Variants in MIER2 observed in about 807,000 individuals in gnomAD.
MIER2 encodes mesoderm induction early response protein 2.
Under a neutral mutation model 67.6 loss-of-function variants are expected in MIER2, and 30 were observed. The ratio of observed to expected loss-of-function variants is 0.44; its 90% CI spans 0.33 to 0.60. The LOEUF (loss-of-function observed/expected upper bound fraction) is 0.60, where lower values mean the gene tolerates loss of function less well. Ranked by LOEUF, MIER2 falls within the 20% of genes least tolerant of loss-of-function variation. The probability of loss-of-function intolerance (pLI) is 0.02; values close to 1 mark genes in which losing one functional copy is unlikely to be tolerated. For missense variants in MIER2, 702 were observed against 745.1 expected (o/e 0.94, Z 0.67); for synonymous variants, 372 against 312.6 (o/e 1.19, Z -2.00).
intron 5 of MIER2, 40 bp downstream of exon 5, chr19:327,093 G>A (rs1437006831): frequency 6.4e-7 from 1 of 1,555,380 alleles, no homozygotes; most frequent in East Asian, 2.3e-5. Flanking sequence ...GCCTGGCAGG[G>A]GGCCTGGCTG....
At position 307,380 on chromosome 19, in the gene MIER2, G is replaced by A. The variant is rs1393078077; in HGVS notation, c.1355C>T (p.Pro452Leu). 1 of 1,606,802 alleles carries A rather than the reference G, an allele frequency of 6.2e-7. No individual in the cohort carries two copies. The highest frequency in any genetic ancestry group is 8.5e-7 in the Non-Finnish European group (1 of 1,177,824). Residue 452 changes from proline (P) to leucine (L), a missense_variant, in exon 13 of 14, where the codon CCA becomes CTA. Around this residue, in one of 3 missense-constraint regions of MIER2, gnomAD observed 254 missense variants for 262.8 expected, o/e 0.97. Coordinates refer to ENST00000264819, the MANE Select transcript of MIER2 (RefSeq NM_017550.3). ...LSHRPPALAD[P>L]ASYQPAVTAP... Reference sequence around the variant, plus strand: ...AGTGACAGCTGGCTGGTATGAGGCTGGGTCGGCCAGGGCTGGGGGCCGATG... The same window carrying A: ...AGTGACAGCTGGCTGGTATGAGGCTAGGTCGGCCAGGGCTGGGGGCCGATG...
Position 327,959 on chromosome 19 carries a change from C to A in MIER2, c.274G>T (p.Ala92Ser). 6.2e-7 allele frequency: 1 copy of A among 1,613,226 alleles called. No homozygotes were observed. Among genetic ancestry groups the A allele is most frequent in the Non-Finnish European group, 8.5e-7 (1 of 1,179,578 alleles). Residue 92 changes from alanine to serine, a missense_variant, in exon 4 of 14, where the codon GCG becomes TCG. Physicochemically the swap from Ala to Ser is moderately conservative, Grantham distance 99. Transcript: ENST00000264819. ...TCTGACGCCTCGTAGCCATAGAGCG[C>A]AAGCAGCTCATCAAAGGGCATGTCG... ...SNDMPFDELL[A>S]LYGYEASDPI...
chr19:335,189 T>C (rs1972184024), intron 2 of MIER2, among the ~76,000 whole-genome samples: 1 of 149,890 alleles, frequency 6.7e-6, no homozygotes, highest in Non-Finnish European at 1.5e-5. Context: ...ACAAAGGAAA[T>C]AGCTAGGGCT....
Position 334,495 on chromosome 19 carries a change from G to C in MIER2, c.148C>G (p.Leu50Val). 2.5e-6 allele frequency: 4 copies of C among 1,614,162 alleles called. No individual in the cohort carries two copies. Among genetic ancestry groups the C allele is most frequent in the Non-Finnish European group, 3.4e-6 (4 of 1,180,028 alleles). Reference protein sequence around the residue: ...GDHQFNLAEILSQNYSVRGEC... With the variant: ...GDHQFNLAEIVSQNYSVRGEC... ...CCCCTAACACTGTAGTTCTGTGACA[G>C]GATCTCTGCGAGGTTGAACTGATGG... Residue 50 changes from leucine (L) to valine (V), a missense_variant, in exon 3 of 14, where the codon CTG becomes GTG. Physicochemically the swap from Leu to Val is conservative, Grantham distance 32. Around this residue, in one of 3 missense-constraint regions of MIER2, gnomAD observed 320 missense variants for 292.6 expected, o/e 1.09. Coordinates refer to ENST00000264819, the MANE Select transcript of MIER2 (RefSeq NM_017550.3).
At chr19:310,404 A>T (rs72984420) in intron 10 of MIER2, among the ~76,000 whole-genome samples, 1 of 152,178 alleles carries the variant, frequency 6.6e-6, no homozygotes. Context: ...GCCAGGGTGA[A>T]ATACGCACTG....
Position 312,141 on chromosome 19 carries a change from A to G in MIER2, c.889+50T>C, listed in dbSNP as rs61710650. 1,069 of 1,062,524 alleles carry G rather than the reference A, an allele frequency of 1.0e-3. 102 individuals carry two copies. The highest frequency in any genetic ancestry group is 7.8e-3 in the East Asian group (295 of 37,600). The allele number at this position is 1,062,524 out of a possible 1,614,324, so 65.8% of individuals were successfully genotyped here. ...GCCCAGGCCGGGGAGAACGGTCAGC[A>G]GTGCCCAGGGCGGGGCCGCAGCGGA... is the stretch of plus-strand genomic sequence containing the variant. On this transcript the variant is annotated intron_variant, in intron 9 of 13. Transcript: ENST00000264819.
intron 1 of MIER2, among the ~76,000 whole-genome samples, chr19:336,638 G>C (rs942184226): frequency 4.1e-4 from 63 of 152,174 alleles, no homozygotes; most frequent in African/African-American, 1.5e-3. Context: ...GTGGGAGAGT[G>C]ACTGCTAACG....
chr19:329,933 C>A (rs1971943256), intron 3 of MIER2, among the ~76,000 whole-genome samples: 1 of 150,898 alleles, frequency 6.6e-6, no homozygotes, highest in Admixed American at 6.6e-5. Flanking sequence ...TCACCCTGAG[C>A]AGATGTTTCC....
At chr19:326,673 A>G (rs998320522) in intron 5 of MIER2, 75 bp from the exon 6 acceptor site, 17 of 1,179,828 alleles carry the variant, frequency 1.4e-5, no homozygotes, top group Non-Finnish European at 2.2e-5. Context: ...CTCCACTCCC[A>G]TTCTCCATCC....
At chr19:311,796 C>T in intron 10 of MIER2, 49 bp downstream of exon 10, 1 of 1,592,094 alleles carries the variant, frequency 6.3e-7, no homozygotes, top group Non-Finnish European at 8.6e-7. Context: ...CCCTGAGCCC[C>T]TCCCCAGATC....
rs375139398 is a variant in MIER2 at position 319,519 on chromosome 19, C to T, written c.656-5876G>A. On this transcript the variant is annotated intron_variant, in intron 7 of 13. Coordinates refer to ENST00000264819, the MANE Select transcript of MIER2 (RefSeq NM_017550.3). ...TGTCACCCAGGCTGGAGTGCAATGG[C>T]GAAATCTTGGCTCACTGCAACCGCT... 8.5e-5 allele frequency among the ~76,000 whole-genome samples: 13 copies of T among 152,286 alleles called. 1 individual carries two copies. In the South Asian group the frequency reaches 2.5e-3, roughly 29 times the overall value.
At position 306,705 on chromosome 19, in the gene MIER2, G is replaced by A. The variant is rs375042206; in HGVS notation, c.1623C>T (p.Asn541=). 78 of 1,560,830 alleles carry A rather than the reference G, an allele frequency of 5.0e-5. No individual in the cohort carries two copies. Among genetic ancestry groups the A allele is most frequent in the South Asian group, 8.3e-5 (7 of 84,582 alleles). The change falls in exon 14 of 14, where the codon AAC becomes AAT. Residue 541 remains asparagine, a synonymous_variant. Coordinates refer to ENST00000264819, the MANE Select transcript of MIER2 (RefSeq NM_017550.3). The part of the protein sequence containing the change: ...GLHSEPLSHC[N]VMTC The stretch of plus-strand genomic sequence containing the variant: ...CGGCCAGGAGTCAGCAGGTCATCAC[G>A]TTACAGCTGCAGGGGAGAGACCAAG...
At chr19:318,437 C>T (rs529044506) in intron 7 of MIER2, among the ~76,000 whole-genome samples, 18 of 152,222 alleles carry the variant, frequency 1.2e-4, no homozygotes, top group African/African-American at 4.3e-4. Context: ...ATGCACTTAA[C>T]ACAATGTGAA....
In MIER2 at chr19:308,368, G is replaced by A. The variant is rs529857329; in HGVS notation, c.1198+209C>T. 2.0e-4 allele frequency among the ~76,000 whole-genome samples: 31 copies of A among 152,264 alleles called. No individual in the cohort carries two copies. Among genetic ancestry groups the A allele is most frequent in the Admixed American group, 1.6e-3 (25 of 15,304 alleles). ...TGCACCCCTCCAGCAAGCCCAGAGG[G>A]TAAGCGTAATCCCTGCCCTCCCCTC... is the stretch of plus-strand genomic sequence containing the variant. On this transcript the variant is annotated intron_variant, in intron 12 of 13. Coordinates refer to ENST00000264819, the MANE Select transcript of MIER2 (RefSeq NM_017550.3). The surrounding 1 kb of genome is among the most constrained non-coding windows in gnomAD (Gnocchi z 9.1).
At position 308,812 on chromosome 19, in the gene MIER2, C is replaced by T. The variant is rs202096261; in HGVS notation, c.1098G>A (p.Pro366=). Residue 366 remains proline, a synonymous_variant, in exon 11 of 14, where the codon CCG becomes CCA. Coordinates refer to ENST00000264819, the MANE Select transcript of MIER2 (RefSeq NM_017550.3). This position sits in a 1 kb window ranked among gnomAD's most constrained non-coding sequence, Gnocchi z 9.1. ...AGGGCTGCACGCACGTGGTTCCGGA[C>T]GGGACGTACTTCCTCCGGCCCAGCC... ...QTRLGRRKYV[P]SGTTDADQDL... 3.1e-5 allele frequency: 49 copies of T among 1,605,580 alleles called. No individual in the cohort carries two copies. Among genetic ancestry groups the T allele is most frequent in the Admixed American group, 5.0e-5 (3 of 59,842 alleles).
chr19:343,555 G>A (rs1972598069), intron 1 of MIER2, among the ~76,000 whole-genome samples: 1 of 152,214 alleles, frequency 6.6e-6, no homozygotes, highest in Admixed American at 6.5e-5. Flanking sequence ...ACCAGGGGGA[G>A]AGAATGGCCA....
chr19:332,447 G>A lies in MIER2; in HGVS notation c.243+1953C>T, dbSNP rs535962510. Among the ~76,000 whole-genome samples, 549 of 151,324 alleles carry A rather than the reference G, an allele frequency of 3.6e-3. 4 individuals carry two copies. Among genetic ancestry groups the A allele is most frequent in the African/African-American group, 0.013 (525 of 41,194 alleles). On this transcript the variant is annotated intron_variant, in intron 3 of 13. Transcript: ENST00000264819. ...CCCTTTGAGTGCTGGGATTACAGGC[G>A]CCTGCTACCACGCCCGGCTAATTTT... is the stretch of plus-strand genomic sequence containing the variant.
chr19:313,418 GGCACTGGGGTGTGA>G (rs1361345330), intron 8 of MIER2, 60 bp downstream of exon 8: 1 of 1,561,594 alleles, frequency 6.4e-7, no homozygotes, highest in African/African-American at 1.3e-5. Flanking sequence ...GGCCCCTGGA[GGCACTGGGGTGTGA>G]GCTCTGGCCC....
chr19:320,305 C>A (rs967576945), intron 7 of MIER2, among the ~76,000 whole-genome samples: 1 of 151,916 alleles, frequency 6.6e-6, no homozygotes. Context: ...CACTTGAGCC[C>A]GGGAGCAGAG....
Sources: gnomAD v4.1 joint callset for allele counts (sites outside exome capture counted in the v4.1 genomes callset) on GRCh38, gnomAD v4.1.1 for gene constraint, gnomAD v4.1.1 regional missense constraint, Gnocchi (gnomAD v3.1) non-coding constraint, MANE v1.5 for transcripts, NCBI Gene and HGNC (gene_info 2026-07-23, HGNC 2026-07-21) for gene names.